The following ENTPD6 variants were observed in gnomAD, a reference collection of about 807,000 sequenced individuals.
The protein encoded by ENTPD6 is ectonucleoside triphosphate diphosphohydrolase 6.
A neutral mutation model predicts 61.5 loss-of-function variants in ENTPD6; 46 were observed. That is an observed-to-expected ratio of 0.75 (90% confidence interval 0.59 to 0.96). ENTPD6 has a LOEUF of 0.96. Ranked by LOEUF, ENTPD6 falls within the 40% of genes least tolerant of loss-of-function variation. The probability of loss-of-function intolerance (pLI) is 0.00; values close to 1 mark genes in which losing one functional copy is unlikely to be tolerated. For synonymous variants in ENTPD6, 252 were observed against 255.5 expected (o/e 0.99, Z 0.13); for missense variants, 612 against 629.0 (o/e 0.97, Z 0.29).
chr20:25,203,353 C>T (rs1189267364), intron 1 of ENTPD6, among the ~76,000 whole-genome samples: 1 of 152,216 alleles, frequency 6.6e-6, no homozygotes, highest in Non-Finnish European at 1.5e-5. Context: ...TCTTTCTTCA[C>T]ATAATTTCTC....
Position 25,218,530 on chromosome 20 carries a change from C to T in ENTPD6, c.879-20C>T. 3 of 1,595,476 alleles carry T rather than the reference C, an allele frequency of 1.9e-6. No individual in the cohort carries two copies. The highest frequency in any genetic ancestry group is 2.6e-6 in the Non-Finnish European group (3 of 1,173,406). On this transcript the variant is annotated intron_variant, in intron 9 of 14. Coordinates refer to ENST00000376652, the MANE Select transcript of ENTPD6 (RefSeq NM_001247.5). ...GTACCTGCCATGGCAGCTGCCCTCACTGAGGTGTCATTCCCACAGCTACCT... is the reference window on the plus strand; with the variant it reads ...GTACCTGCCATGGCAGCTGCCCTCATTGAGGTGTCATTCCCACAGCTACCT...
chr20:25,202,312 G>A (rs546592985), intron 1 of ENTPD6, among the ~76,000 whole-genome samples: 4 of 152,296 alleles, frequency 2.6e-5, no homozygotes, highest in South Asian at 2.1e-4. Context: ...AGGGTCAGCT[G>A]TAGTCAGGTC....
Position 25,226,400 on chromosome 20 carries a change from C to G in ENTPD6, c.*803C>G, listed in dbSNP as rs1379652373. ...TGTGTTCTGAGCCCCCTTTTCTGGACACCAACTGTGTCCTGTGAATGTATC... is the reference window on the plus strand; with the variant it reads ...TGTGTTCTGAGCCCCCTTTTCTGGAGACCAACTGTGTCCTGTGAATGTATC... On this transcript the variant is annotated 3_prime_UTR_variant, in exon 15 of 15. Coordinates refer to ENST00000376652, the MANE Select transcript of ENTPD6 (RefSeq NM_001247.5). 1 of 152,678 alleles carries G rather than the reference C, an allele frequency of 6.5e-6. No individual in the cohort carries two copies. The highest frequency in any genetic ancestry group is 1.9e-4 in the East Asian group (1 of 5,186). 9.5% of individuals were successfully genotyped at this position (152,678 alleles called of 1,614,324 possible).
chr20:25,205,808 T>C (rs1229448728), intron 1 of ENTPD6, among the ~76,000 whole-genome samples: 1 of 152,180 alleles, frequency 6.6e-6, no homozygotes, highest in Non-Finnish European at 1.5e-5. Flanking sequence ...CCTGAGGATA[T>C]CCAGCTGTGG....
At chr20:25,220,505 C>T (rs1032824154) in intron 10 of ENTPD6, among the ~76,000 whole-genome samples, 4 of 152,086 alleles carry the variant, frequency 2.6e-5, no homozygotes, top group African/African-American at 9.7e-5. Flanking sequence ...CTGTCTAAAT[C>T]CCCCGCTGGG....
At chr20:25,218,930 G>A (rs745589089) in intron 10 of ENTPD6, among the ~76,000 whole-genome samples, 2 of 152,254 alleles carry the variant, frequency 1.3e-5, no homozygotes, top group Non-Finnish European at 2.9e-5. Flanking sequence ...CACCCAGGCT[G>A]GAGTGCACTA....
intron 1 of ENTPD6, among the ~76,000 whole-genome samples, chr20:25,198,788 C>G (rs985196948): frequency 2.0e-5 from 3 of 152,172 alleles, no homozygotes; most frequent in African/African-American, 7.2e-5. Context: ...ATTCCCAGCC[C>G]CAAGCCTGTC....
intron 1 of ENTPD6, among the ~76,000 whole-genome samples, chr20:25,199,671 TCTA>T (rs1299824247): frequency 6.6e-6 from 1 of 152,154 alleles, no homozygotes; most frequent in South Asian, 2.1e-4. Flanking sequence ...CACCTGCCCT[TCTA>T]CTCTCTGTCT....
chr20:25,210,002 G>T, intron 4 of ENTPD6, 77 bp downstream of exon 4: 1 of 1,298,382 alleles, frequency 7.7e-7, no homozygotes, highest in Non-Finnish European at 1.1e-6. Flanking sequence ...GAATGTGGTA[G>T]GCTGTCTTCA....
At chr20:25,213,504 G>T in intron 5 of ENTPD6, 98 bp downstream of exon 5, 1 of 1,293,304 alleles carries the variant, frequency 7.7e-7, no homozygotes, top group Non-Finnish European at 1.1e-6. Flanking sequence ...CATCAGGCAG[G>T]ACACAGATGC....
At chr20:25,209,190 A>G (rs2091767712) in intron 3 of ENTPD6, among the ~76,000 whole-genome samples, 1 of 151,516 alleles carries the variant, frequency 6.6e-6, no homozygotes, top group African/African-American at 2.4e-5. Context: ...GCTCACTGCA[A>G]GCTCCGCCCC....
At chr20:25,203,406 A>G (rs912610369) in intron 1 of ENTPD6, among the ~76,000 whole-genome samples, 1 of 152,170 alleles carries the variant, frequency 6.6e-6, no homozygotes, top group African/African-American at 2.4e-5. Flanking sequence ...CATAATGTGC[A>G]TGGTGCACGT....
At chr20:25,210,783 A>G (rs572180984) in intron 4 of ENTPD6, among the ~76,000 whole-genome samples, 19 of 152,262 alleles carry the variant, frequency 1.2e-4, no homozygotes, top group African/African-American at 4.3e-4. Context: ...CTCTACTAAA[A>G]ATACAAAAAT....
rs1262372454 is a variant in ENTPD6 at position 25,207,620 on chromosome 20, A to G, written c.376+223A>G. On this transcript the variant is annotated intron_variant, in intron 3 of 14. Coordinates refer to ENST00000376652, the MANE Select transcript of ENTPD6 (RefSeq NM_001247.5). Reference sequence around the variant, plus strand: ...ATGCTGAAGGGCAGCTGAGACCTTGAGGTGTTTGGTGGCCTGTCCCCTCCC... The same window carrying G: ...ATGCTGAAGGGCAGCTGAGACCTTGGGGTGTTTGGTGGCCTGTCCCCTCCC... 2.6e-5 allele frequency among the ~76,000 whole-genome samples: 4 copies of G among 152,082 alleles called. No homozygotes were observed. In the East Asian group the frequency reaches 7.7e-4, roughly 29 times the overall value.
In ENTPD6 at chr20:25,213,312, C is replaced by A. The variant is rs769771798; in HGVS notation, c.503C>A (p.Pro168Gln). 1.2e-6 allele frequency: 2 copies of A among 1,614,224 alleles called. No individual in the cohort carries two copies. The highest frequency in any genetic ancestry group is 1.7e-6 in the Non-Finnish European group (2 of 1,180,034). ...CTGGATGTTGCTAAACAGGACATTC[C>A]GTTCGACTTCTGGAAGGCCACCCCT... ...ELLDVAKQDI[P>Q]FDFWKATPLV... The change falls in exon 5 of 15, where the codon CCG (proline) becomes CAG (glutamine). Residue 168 changes from proline (P) to glutamine (Q), a missense_variant. Coordinates refer to ENST00000376652, the MANE Select transcript of ENTPD6 (RefSeq NM_001247.5).
Position 25,226,955 on chromosome 20 carries a change from G to A in ENTPD6, c.*1358G>A, listed in dbSNP as rs1483050899. ...GTTGAGCACAGCTCCTCCTGTGCCAGGCCAGCAGCCCACAGCACGGCCAGG... is the reference window on the plus strand; with the variant it reads ...GTTGAGCACAGCTCCTCCTGTGCCAAGCCAGCAGCCCACAGCACGGCCAGG... On this transcript the variant is annotated 3_prime_UTR_variant, in exon 15 of 15. Coordinates refer to ENST00000376652, the MANE Select transcript of ENTPD6 (RefSeq NM_001247.5). 2.0e-5 allele frequency among the ~76,000 whole-genome samples: 3 copies of A among 152,278 alleles called. No individual in the cohort carries two copies. Among genetic ancestry groups the A allele is most frequent in the Admixed American group, 6.5e-5 (1 of 15,288 alleles).
Position 25,225,971 on chromosome 20 carries a change from C to G in ENTPD6, c.*374C>G, listed in dbSNP as rs1171512827. The G allele has an allele frequency of 1.2e-5, 2 of 169,824 alleles. No homozygotes were observed. Among genetic ancestry groups the G allele is most frequent in the Admixed American group, 1.2e-4 (2 of 16,192 alleles). 10.5% of individuals were successfully genotyped at this position (169,824 alleles called of 1,614,324 possible). ...CATGTCCCTGCGATGGGAGTCTTGT[C>G]TCCCAGCCTGTCAGTTTCCTCCCCA... On this transcript the variant is annotated 3_prime_UTR_variant, in exon 15 of 15. Transcript: ENST00000376652.
intron 7 of ENTPD6, among the ~76,000 whole-genome samples, chr20:25,216,344 C>G (rs2092312156): frequency 6.6e-6 from 1 of 152,158 alleles, no homozygotes; most frequent in Non-Finnish European, 1.5e-5. Flanking sequence ...ATGGGCTGAT[C>G]AGAGCAGGGC....
At position 25,214,862 on chromosome 20, in the gene ENTPD6, T is replaced by C. The variant is rs373750304; in HGVS notation, c.598-5T>C. On this transcript the variant is annotated splice_region_variant and splice_polypyrimidine_tract_variant and intron_variant, in intron 5 of 14. Coordinates refer to ENST00000376652, the MANE Select transcript of ENTPD6 (RefSeq NM_001247.5). The stretch of plus-strand genomic sequence containing the variant: ...GGATGAAGTAACATCTCTCTTTACA[T>C]TTAGGTGAAAAAAGTATTTAAAGCA... 2 of 1,440,252 alleles carry C rather than the reference T, an allele frequency of 1.4e-6. No homozygotes were observed. The highest frequency in any genetic ancestry group is 2.8e-5 in the African/African-American group (2 of 71,300). 89.2% of individuals were successfully genotyped at this position (1,440,252 alleles called of 1,614,324 possible).
Sources: allele counts gnomAD v4.1 joint callset (sites outside exome capture counted in the v4.1 genomes callset), GRCh38; gene constraint gnomAD v4.1.1; transcripts MANE v1.5; gene names NCBI Gene and HGNC (gene_info 2026-07-23, HGNC 2026-07-21).